NAV3: variants seen among roughly 807,000 people sequenced by gnomAD.
NAV3 encodes the protein pore membrane and/or filament interacting like protein 1.
A neutral mutation model predicts 244.7 loss-of-function variants in NAV3; 87 were observed. The ratio of observed to expected loss-of-function variants is 0.36; its 90% CI spans 0.30 to 0.42. The LOEUF (loss-of-function observed/expected upper bound fraction) is 0.42, where lower values mean the gene tolerates loss of function less well. NAV3 is among the 20% of genes least tolerant of loss of function. The pLI is 1.00. For missense variants in NAV3, 2,663 were observed against 2,893.3 expected (o/e 0.92, Z 1.83); for synonymous variants, 1,126 against 1,042.2 (o/e 1.08, Z -1.55).
intron 23 of NAV3, among the ~76,000 whole-genome samples, 176 bp downstream of exon 23, chr12:78,159,462 G>A (rs1427947995): frequency 1.3e-5 from 2 of 151,938 alleles, no homozygotes; most frequent in African/African-American, 2.4e-5. Context: ...TCAGGAGTTC[G>A]AGACCAGCCT....
intron 32 of NAV3, 109 bp from the exon 33 acceptor site, chr12:78,188,500 C>T: frequency 8.3e-7 from 1 of 1,205,274 alleles, no homozygotes; most frequent in Non-Finnish European, 1.2e-6. Context: ...CTTATATTAC[C>T]CATTTCTAAT....
At chr12:77,821,848 T>C (rs1457135421) in intron 2 of NAV3, among the ~76,000 whole-genome samples, 2 of 152,210 alleles carry the variant, frequency 1.3e-5, no homozygotes, top group African/African-American at 4.8e-5. Context: ...TGTGTACCCA[T>C]ATTCCAACAA....
intron 2 of NAV3, among the ~76,000 whole-genome samples, chr12:77,625,665 GAAAC>G (rs1871586344): frequency 6.6e-6 from 1 of 152,160 alleles, no homozygotes; most frequent in South Asian, 2.1e-4. Context: ...AAGCTACTGA[GAAAC>G]AAACAGACAC....
At chr12:77,906,982 A>G (rs887451091) in intron 1 of NAV3, among the ~76,000 whole-genome samples, 2 of 152,124 alleles carry the variant, frequency 1.3e-5, no homozygotes, top group African/African-American at 4.8e-5. Context: ...GTCTATCTAT[A>G]TGGCTTCAGT....
chr12:78,184,768 G>A (rs1038751813), intron 30 of NAV3, among the ~76,000 whole-genome samples: 1 of 151,654 alleles, frequency 6.6e-6, no homozygotes, highest in Non-Finnish European at 1.5e-5. Context: ...TCTTTAGAAT[G>A]TAATGGAGTT....
intron 2 of NAV3, among the ~76,000 whole-genome samples, chr12:77,583,682 C>G (rs535094168): frequency 3.9e-5 from 6 of 152,246 alleles, no homozygotes; most frequent in African/African-American, 1.4e-4. Context: ...ATATATGATA[C>G]TAAGAGTATA....
chr12:77,780,587 T>C (rs1870614605), intron 2 of NAV3, among the ~76,000 whole-genome samples: 1 of 152,084 alleles, frequency 6.6e-6, no homozygotes, highest in African/African-American at 2.4e-5. Flanking sequence ...TGTGCGAAGA[T>C]TGGTCAGTGT....
At chr12:77,622,955 G>A (rs1480981661) in intron 2 of NAV3, among the ~76,000 whole-genome samples, 1 of 152,144 alleles carries the variant, frequency 6.6e-6, no homozygotes, top group Admixed American at 6.5e-5. Flanking sequence ...AGAGAAGGTG[G>A]TTTTCACAGT....
intron 18 of NAV3, chr12:78,130,774 A>C (rs2694670): frequency 0.64 from 98,923 of 154,360 alleles, 32,095 homozygotes; most frequent in African/African-American, 0.72. Context: ...CCTGGCACAG[A>C]CACAATCACA....
chr12:77,807,985 A>C (rs925142781), intron 2 of NAV3, among the ~76,000 whole-genome samples: 1 of 152,124 alleles, frequency 6.6e-6, no homozygotes, highest in Non-Finnish European at 1.5e-5. Flanking sequence ...ATACATGTAT[A>C]TGCTTCAGGA....
chr12:78,125,931 T>G (rs1309321823), intron 16 of NAV3, among the ~76,000 whole-genome samples: 1 of 152,214 alleles, frequency 6.6e-6, no homozygotes, highest in African/African-American at 2.4e-5. Context: ...AAACTTTAAC[T>G]TGTACACATG....
intron 12 of NAV3, among the ~76,000 whole-genome samples, chr12:78,106,185 A>T (rs186802185): frequency 0.013 from 1,984 of 152,160 alleles, 19 homozygotes; most frequent in Non-Finnish European, 0.02. Flanking sequence ...AAAGCCAAAA[A>T]AATCAATAAA....
intron 8 of NAV3, among the ~76,000 whole-genome samples, chr12:78,008,070 G>C (rs906109701): frequency 1.3e-5 from 2 of 152,142 alleles, no homozygotes; most frequent in Non-Finnish European, 2.9e-5. Flanking sequence ...ATATCCTGAT[G>C]TGTTGCAAAT....
At chr12:78,013,371 A>C (rs1875638244) in intron 8 of NAV3, among the ~76,000 whole-genome samples, 1 of 152,146 alleles carries the variant, frequency 6.6e-6, no homozygotes, top group Non-Finnish European at 1.5e-5. Flanking sequence ...AAAAAGTGAA[A>C]AGTTACTTTT....
At chr12:78,050,625 G>T in intron 10 of NAV3, 139 bp from the exon 11 acceptor site, 2 of 893,558 alleles carry the variant, frequency 2.2e-6, no homozygotes, top group South Asian at 3.6e-5. Flanking sequence ...ACCTCAAAAT[G>T]AATATAGAGT....
rs200146862 is a variant in NAV3 at position 77,831,655 on chromosome 12, G to C, written c.194G>C (p.Gly65Ala). 6.2e-7 allele frequency: 1 copy of C among 1,613,808 alleles called. No individual in the cohort carries two copies. Among genetic ancestry groups the C allele is most frequent in the South Asian group, 1.1e-5 (1 of 91,008 alleles). ...GCGTTAAAATCAACCTGTGAATTTG[G>C]AGAGAAGAAACCCCTCCAAGGAAAA... is the stretch of plus-strand genomic sequence containing the variant. ...QLALKSTCEF[G>A]EKKPLQGKAK... The change falls in exon 1 of 40, where the codon GGA (glycine) becomes GCA (alanine). Residue 65 changes from glycine to alanine, a missense_variant. Around this residue, in one of 6 missense-constraint regions of NAV3, gnomAD observed 1,521 missense variants for 1,497.0 expected, o/e 1.02. Coordinates refer to ENST00000397909, the MANE Select transcript of NAV3 (RefSeq NM_001024383.2).
chr12:77,998,058 A>G (rs1159449064), intron 6 of NAV3, among the ~76,000 whole-genome samples: 6 of 152,212 alleles, frequency 3.9e-5, no homozygotes. Flanking sequence ...AGTTTTATTC[A>G]TCAGGGATGG....
rs1239074637 is a variant in NAV3, at chr12:78,140,344, G to A, written c.4683+10G>A. The A allele has an allele frequency of 6.2e-7, 1 of 1,609,840 alleles. No homozygotes were observed. The highest frequency in any genetic ancestry group is 1.1e-5 in the South Asian group (1 of 90,976). On this transcript the variant is annotated intron_variant, in intron 20 of 39. Coordinates refer to ENST00000397909, the MANE Select transcript of NAV3 (RefSeq NM_001024383.2). ...TTCTCTTTACTCTACAGTAAGTAATGGCTGTTAAGAAAAAGCTTGTGCTTT... is the reference window on the plus strand; with the variant it reads ...TTCTCTTTACTCTACAGTAAGTAATAGCTGTTAAGAAAAAGCTTGTGCTTT...
intron 2 of NAV3, among the ~76,000 whole-genome samples, chr12:77,682,449 T>C (rs995773334): frequency 2.0e-5 from 3 of 152,216 alleles, no homozygotes; most frequent in African/African-American, 7.2e-5. Context: ...TTAGGAATAA[T>C]GCTGCAATGG....
Sources: allele counts gnomAD v4.1 joint callset (sites outside exome capture counted in the v4.1 genomes callset), GRCh38; gene constraint gnomAD v4.1.1; regional missense constraint gnomAD v4.1.1; transcripts MANE v1.5; gene names NCBI Gene and HGNC (gene_info 2026-07-23, HGNC 2026-07-21).